The following SLC4A3 variants were observed in gnomAD, a reference collection of about 807,000 sequenced individuals.
SLC4A3 encodes the protein anion exchange protein 3.
In SLC4A3, 47 loss-of-function variants were observed where a neutral mutation model predicts 114.2. The observed-to-expected ratio is 0.41, with a 90% confidence interval of 0.33 to 0.52. The LOEUF is 0.52. Ranked by LOEUF, SLC4A3 falls within the 20% of genes least tolerant of loss-of-function variation. SLC4A3 has a pLI of 0.21. For missense variants in SLC4A3, 1,312 were observed against 1,668.3 expected (o/e 0.79, Z 3.72); for synonymous variants, 693 against 710.3 (o/e 0.98, Z 0.39).
Position 219,641,737 on chromosome 2 carries a change from G to T in SLC4A3, c.*9G>T. ...TGCACATGCCAGTGTGACCCTTGAA[G>T]ACAGTGCCCCTCAGAGACCCCAAGA... On this transcript the variant is annotated 3_prime_UTR_variant, in exon 23 of 23. Coordinates refer to ENST00000358055, the MANE Select transcript of SLC4A3 (RefSeq NM_005070.4). This position sits in a 1 kb window ranked among gnomAD's most constrained non-coding sequence, Gnocchi z 4.0. The T allele has an allele frequency of 6.2e-7, 1 of 1,611,762 alleles. No individual in the cohort carries two copies. The highest frequency in any genetic ancestry group is 8.5e-7 in the Non-Finnish European group (1 of 1,177,874).
chr2:219,636,868 C>T lies in SLC4A3; in HGVS notation c.2529C>T (p.Leu843=), dbSNP rs1311901341. The change falls in exon 16 of 23, where the codon CTC becomes CTT. Residue 843 remains leucine, a synonymous_variant. Transcript: ENST00000358055. This position sits in a 1 kb window ranked among gnomAD's most constrained non-coding sequence, Gnocchi z 5.5. ...TCATCTACGAGACCTTCTACAAGCT[C>T]TACAAGGTGGAGGTCCAGCGAGGTC... ...LIFIYETFYK[L]YKVFTEHPLL... 1 of 1,613,508 alleles carries T rather than the reference C, an allele frequency of 6.2e-7. No individual in the cohort carries two copies. Among genetic ancestry groups the T allele is most frequent in the Non-Finnish European group, 8.5e-7 (1 of 1,179,552 alleles).
In SLC4A3 at chr2:219,639,263, T is replaced by A. The variant is rs78933073; in HGVS notation, c.3024-219T>A. Among the ~76,000 whole-genome samples the A allele has an allele frequency of 2.5e-3, 386 of 152,298 alleles. 1 individual carries two copies. The highest frequency in any genetic ancestry group is 5.7e-3 in the African/African-American group (237 of 41,560). ...ACGTGGTAAGATCTGGCATCTGGCT[T>A]TTGTGGTGTTTTAAATATTCACAGT... On this transcript the variant is annotated intron_variant, in intron 19 of 22. Transcript: ENST00000358055. The surrounding 1 kb of genome is among the most constrained non-coding windows in gnomAD (Gnocchi z 5.9).
rs769121835 is a variant in SLC4A3 at position 219,629,350 on chromosome 2, G to C, written c.424G>C (p.Glu142Gln). ...AGVDEEEEEEEEEEGESEAEP... is the reference protein window; with the variant it reads ...AGVDEEEEEEQEEEGESEAEP... ...AGTGGATGAGGAAGAGGAGGAAGAG[G>C]AGGAAGAGGAAGGAGAATCTGAGGC... The change falls in exon 4 of 23, where the codon GAG (glutamate) becomes CAG (glutamine). Residue 142 changes from glutamate (E) to glutamine (Q), a missense_variant. By Grantham distance (29) the Glu-to-Gln change is conservative. Around this residue, in one of 4 missense-constraint regions of SLC4A3, gnomAD observed 236 missense variants for 212.1 expected, o/e 1.11. Transcript: ENST00000358055. 10 of 1,608,170 alleles carry C rather than the reference G, an allele frequency of 6.2e-6. No individual in the cohort carries two copies. The highest frequency in any genetic ancestry group is 8.5e-6 in the Non-Finnish European group (10 of 1,176,994).
At chr2:219,633,527 G>A (rs1479401662) in intron 10 of SLC4A3, 70 bp downstream of exon 10, 7 of 1,332,476 alleles carry the variant, frequency 5.3e-6, no homozygotes, top group African/African-American at 4.4e-5. Context: ...GGTCATCGAC[G>A]ACTTCACTGA....
rs1270508030 is a variant in SLC4A3, at chr2:219,641,889, C to T, written c.*161C>T. Reference sequence around the variant, plus strand: ...TAGAGTGGCCCCCCTGACTTCTGCCCGGGGTGTTGACCTCGCCTCACCTTT... The same window carrying T: ...TAGAGTGGCCCCCCTGACTTCTGCCTGGGGTGTTGACCTCGCCTCACCTTT... On this transcript the variant is annotated 3_prime_UTR_variant, in exon 23 of 23. Transcript: ENST00000358055. The surrounding 1 kb of genome is among the most constrained non-coding windows in gnomAD (Gnocchi z 4.0). 14 of 611,656 alleles carry T rather than the reference C, an allele frequency of 2.3e-5. No homozygotes were observed. The highest frequency in any genetic ancestry group is 5.8e-5 in the Admixed American group (2 of 34,328). The allele number at this position is 611,656 out of a possible 1,614,324, so 37.9% of individuals were successfully genotyped here.
In SLC4A3 at chr2:219,629,211, G is replaced by A; in HGVS notation, c.285G>A (p.Leu95=). ...CGCGCCTGCCTCCACCCCACAAGCTGCGGCGGCTGCCCCCCACCTCTGCCC... is the reference window on the plus strand; with the variant it reads ...CGCGCCTGCCTCCACCCCACAAGCTACGGCGGCTGCCCCCCACCTCTGCCC... ...LSARLPPPHK[L]RRLPPTSARH... The change falls in exon 4 of 23, where the codon CTG becomes CTA. Residue 95 remains leucine (L), a synonymous_variant. Coordinates refer to ENST00000358055, the MANE Select transcript of SLC4A3 (RefSeq NM_005070.4). The A allele has an allele frequency of 6.2e-7, 1 of 1,613,114 alleles. No homozygotes were observed. Among genetic ancestry groups the A allele is most frequent in the Non-Finnish European group, 8.5e-7 (1 of 1,179,724 alleles).
In SLC4A3 at chr2:219,638,923, CTTGGCTTG is replaced by C. The variant is rs1699223905; in HGVS notation, c.3023+55_3023+62del. 1.2e-5 allele frequency: 19 copies of C among 1,586,570 alleles called. No individual in the cohort carries two copies. The highest frequency in any genetic ancestry group is 1.5e-5 in the Non-Finnish European group (18 of 1,165,704). Reference sequence around the variant, plus strand: ...GGGACGAGGCCAAGCTCCTTGGCTCCTTGGCTTGGTTTCAGGGTTATAGCAGGGACATC... The same window carrying C: ...GGGACGAGGCCAAGCTCCTTGGCTCCGTTTCAGGGTTATAGCAGGGACATC... On this transcript the variant is annotated intron_variant, in intron 19 of 22. Coordinates refer to ENST00000358055, the MANE Select transcript of SLC4A3 (RefSeq NM_005070.4). The surrounding 1 kb of genome is among the most constrained non-coding windows in gnomAD (Gnocchi z 7.5).
rs1242469746 is a variant in SLC4A3 at position 219,632,879 on chromosome 2, G to C, written c.1147G>C (p.Ala383Pro). Residue 383 changes from alanine to proline, a missense_variant, in exon 9 of 23, where the codon GCC becomes CCC. Ala to Pro is a conservative substitution (Grantham distance 27). Around this residue, in one of 4 missense-constraint regions of SLC4A3, gnomAD observed 771 missense variants for 977.7 expected, o/e 0.79. Coordinates refer to ENST00000358055, the MANE Select transcript of SLC4A3 (RefSeq NM_005070.4). ...GTGCCTGACTGTCCCCCTAGGAGCT[G>C]CCCTCCTGGACCTGGAGCAAACCAC... ...ELRRTIAHGA[A>P]LLDLEQTTLP... 6.2e-7 allele frequency: 1 copy of C among 1,614,164 alleles called. No homozygotes were observed.
At position 219,629,666 on chromosome 2, in the gene SLC4A3, C is replaced by T; in HGVS notation, c.582C>T (p.His194=). Residue 194 remains histidine (H), a synonymous_variant, in exon 5 of 23, where the codon CAC becomes CAT. Coordinates refer to ENST00000358055, the MANE Select transcript of SLC4A3 (RefSeq NM_005070.4). ...AGCCCCTGCCCTCGGTGGGCCCACA[C>T]ACTGACAAGAGCCCCCAGCACTCCA... ...VTKPLPSVGP[H]TDKSPQHSSS... 1 of 1,612,914 alleles carries T rather than the reference C, an allele frequency of 6.2e-7. No homozygotes were observed. The highest frequency in any genetic ancestry group is 8.5e-7 in the Non-Finnish European group (1 of 1,179,540).
Position 219,634,530 on chromosome 2 carries a change from A to T in SLC4A3, c.1672A>T (p.Met558Leu). Residue 558 changes from methionine to leucine, a missense_variant, in exon 12 of 23, where the codon ATG becomes TTG. Physicochemically the swap from Met to Leu is conservative, Grantham distance 15. Transcript: ENST00000358055. ...VPVPVRFLFVMLGPSHTSTDY... is the reference protein window; with the variant it reads ...VPVPVRFLFVLLGPSHTSTDY... ...TGTCCCGGTCCGCTTCCTCTTCGTG[A>T]TGCTGGGGCCCAGCCACACCAGCAC... 6.2e-7 allele frequency: 1 copy of T among 1,614,150 alleles called. No individual in the cohort carries two copies. Among genetic ancestry groups the T allele is most frequent in the Non-Finnish European group, 8.5e-7 (1 of 1,180,042 alleles).
chr2:219,628,886 G>T lies in SLC4A3; in HGVS notation c.218-258G>T, dbSNP rs375946308. 1 of 580,718 alleles carries T rather than the reference G, an allele frequency of 1.7e-6. No individual in the cohort carries two copies. The highest frequency in any genetic ancestry group is 3.0e-6 in the Non-Finnish European group (1 of 334,014). The allele number at this position is 580,718 out of a possible 1,614,324, so 36.0% of individuals were successfully genotyped here. The stretch of plus-strand genomic sequence containing the variant: ...GTCCCACCTCGGCTAGTCCAACTCC[G>T]CCTTTCCCCTCCTTGCTGTATCACG... On this transcript the variant is annotated intron_variant, in intron 3 of 22. Coordinates refer to ENST00000358055, the MANE Select transcript of SLC4A3 (RefSeq NM_005070.4). The surrounding 1 kb of genome is among the most constrained non-coding windows in gnomAD (Gnocchi z 4.8).
Position 219,632,417 on chromosome 2 carries a change from G to A in SLC4A3, c.1116G>A (p.Leu372=). 1 of 1,603,618 alleles carries A rather than the reference G, an allele frequency of 6.2e-7. No homozygotes were observed. Residue 372 remains leucine, a synonymous_variant, in exon 8 of 23, where the codon CTG becomes CTA. Coordinates refer to ENST00000358055, the MANE Select transcript of SLC4A3 (RefSeq NM_005070.4). The stretch of plus-strand genomic sequence containing the variant: ...CCTCGCTCTCCTTCCGTAGCCTTCT[G>A]GAGCTCAGGAGGACCATCGCCCATG... ...HVASLSFRSL[L]ELRRTIAHGA...
In SLC4A3 at chr2:219,637,960, G is replaced by A; in HGVS notation, c.2766+149G>A. ...CACCCCTTCGGAAGCCTCTTCCCTG[G>A]GTGTCTTCTTGCCCTTTGCTCAGAG... is the stretch of plus-strand genomic sequence containing the variant. On this transcript the variant is annotated intron_variant, in intron 17 of 22. Transcript: ENST00000358055. The surrounding 1 kb of genome is among the most constrained non-coding windows in gnomAD (Gnocchi z 4.6). 1 of 725,066 alleles carries A rather than the reference G, an allele frequency of 1.4e-6. No homozygotes were observed. The highest frequency in any genetic ancestry group is 2.4e-6 in the Non-Finnish European group (1 of 421,294). The allele number at this position is 725,066 out of a possible 1,614,324, so 44.9% of individuals were successfully genotyped here.
rs755562468 is a variant in SLC4A3, at chr2:219,641,607, G to A, written c.3622-44G>A. On this transcript the variant is annotated intron_variant, in intron 22 of 22. Coordinates refer to ENST00000358055, the MANE Select transcript of SLC4A3 (RefSeq NM_005070.4). The surrounding 1 kb of genome is among the most constrained non-coding windows in gnomAD (Gnocchi z 4.0). ...GAGGAGCTGGAGAATGGGAGGGGAC[G>A]AGCATGCTTCCCTGCCTTCCCCAAC... 2 of 1,498,984 alleles carry A rather than the reference G, an allele frequency of 1.3e-6. No individual in the cohort carries two copies. Among genetic ancestry groups the A allele is most frequent in the East Asian group, 2.3e-5 (1 of 44,326 alleles). 92.9% of individuals were successfully genotyped at this position (1,498,984 alleles called of 1,614,324 possible).
At chr2:219,640,328 G>T (rs1023314842) in intron 20 of SLC4A3, 102 bp from the exon 21 acceptor site, 4 of 1,349,266 alleles carry the variant, frequency 3.0e-6, no homozygotes, top group Non-Finnish European at 3.1e-6. Flanking sequence ...ATCCTCACGG[G>T]GGCTGTCTGA....
Position 219,637,848 on chromosome 2 carries a change from C to A in SLC4A3, c.2766+37C>A. ...CTGGGTGTGGAGCCCCCAAGAGTCC[C>A]ACAATTCCTGCTGTAGGAGCTCCCC... On this transcript the variant is annotated intron_variant, in intron 17 of 22. Coordinates refer to ENST00000358055, the MANE Select transcript of SLC4A3 (RefSeq NM_005070.4). The surrounding 1 kb of genome is among the most constrained non-coding windows in gnomAD (Gnocchi z 4.6). 6.6e-7 allele frequency: 1 copy of A among 1,508,888 alleles called. No homozygotes were observed. The highest frequency in any genetic ancestry group is 9.2e-7 in the Non-Finnish European group (1 of 1,085,014). The allele number at this position is 1,508,888 out of a possible 1,614,324, so 93.5% of individuals were successfully genotyped here.
intron 8 of SLC4A3, 57 bp downstream of exon 8, chr2:219,632,499 T>C: frequency 6.7e-7 from 1 of 1,500,912 alleles, no homozygotes; most frequent in Non-Finnish European, 8.9e-7. Context: ...TGTGCCAGGC[T>C]GCTCAGTTCC....
rs748857141 is a variant in SLC4A3 at position 219,636,352 on chromosome 2, G to A, written c.2242G>A (p.Ala748Thr). ...MGVSELIVST[A>T]VLGVLFSLLG... ...CGTGTCCGAGCTGATCGTGTCCACCGCTGTGCTCGGCGTCCTCTTCTCTCT... is the reference window on the plus strand; with the variant it reads ...CGTGTCCGAGCTGATCGTGTCCACCACTGTGCTCGGCGTCCTCTTCTCTCT... The change falls in exon 15 of 23, where the codon GCT becomes ACT. Residue 748 changes from alanine to threonine, a missense_variant. By Grantham distance (58) the Ala-to-Thr change is moderately conservative. This residue lies in a region of SLC4A3 where 771 missense variants were observed against 977.7 expected (regional missense o/e 0.79). Transcript: ENST00000358055. This position sits in a 1 kb window ranked among gnomAD's most constrained non-coding sequence, Gnocchi z 5.5. The A allele has an allele frequency of 3.7e-6, 6 of 1,613,774 alleles. No individual in the cohort carries two copies. Among genetic ancestry groups the A allele is most frequent in the Non-Finnish European group, 5.1e-6 (6 of 1,179,916 alleles).
At chr2:219,633,740 C>G in intron 10 of SLC4A3, 140 bp from the exon 11 acceptor site, 1 of 1,322,790 alleles carries the variant, frequency 7.6e-7, no homozygotes, top group Non-Finnish European at 1.0e-6. Context: ...TGGTGGCTCC[C>G]AGTGTGGGGC....
Sources: allele counts gnomAD v4.1 joint callset (sites outside exome capture counted in the v4.1 genomes callset), GRCh38; gene constraint gnomAD v4.1.1; regional missense constraint gnomAD v4.1.1; non-coding constraint Gnocchi (gnomAD v3.1); transcripts MANE v1.5; gene names NCBI Gene and HGNC (gene_info 2026-07-23, HGNC 2026-07-21).